The following HEMK2 variants were observed in gnomAD, a reference collection of about 807,000 sequenced individuals.
HEMK2 encodes the protein HemK methyltransferase 2, ETF1 glutamine and histone H4 lysine, also known as methyltransferase HEMK2.
chr21:28,643,455 ATTGT>A, the HEMK2 span, among the ~76,000 whole-genome samples: 31,911 of 151,770 alleles, frequency 0.21, 3,624 homozygotes, highest in East Asian at 0.36. Context: ...AGGGGGGAGG[ATTGT>A]TTGAGGTCAG....
chr21:28,599,736 C>T, the HEMK2 span, among the ~76,000 whole-genome samples: 1 of 152,328 alleles, frequency 6.6e-6, no homozygotes, highest in Non-Finnish European at 1.5e-5. Flanking sequence ...ACCCCTTCCA[C>T]CTATGAGCCG....
At chr21:28,832,205 G>A in the HEMK2 span, among the ~76,000 whole-genome samples, 1 of 152,156 alleles carries the variant, frequency 6.6e-6, no homozygotes, top group Non-Finnish European at 1.5e-5. Flanking sequence ...CCCTGGAAAG[G>A]GCAAAAGATC....
the HEMK2 span, among the ~76,000 whole-genome samples, chr21:28,849,885 A>G: frequency 6.6e-6 from 1 of 152,238 alleles, no homozygotes; most frequent in Non-Finnish European, 1.5e-5. Flanking sequence ...GACCAAATCT[A>G]TGACTCATTG....
the HEMK2 span, among the ~76,000 whole-genome samples, chr21:28,736,764 G>C: frequency 6.7e-6 from 1 of 149,130 alleles, no homozygotes; most frequent in African/African-American, 2.5e-5. Context: ...GATCCTTTCA[G>C]AAACCTGCTG....
the HEMK2 span, among the ~76,000 whole-genome samples, chr21:28,630,155 T>C: frequency 2.6e-5 from 4 of 151,608 alleles, no homozygotes; most frequent in Middle Eastern, 3.4e-3. Flanking sequence ...TGTAAAGTTA[T>C]AAAGCTTAAT....
the HEMK2 span, among the ~76,000 whole-genome samples, chr21:28,824,709 A>G: frequency 6.6e-6 from 1 of 152,230 alleles, no homozygotes; most frequent in Non-Finnish European, 1.5e-5. Flanking sequence ...AGCCTATTCA[A>G]TACTAAAAAT....
chr21:28,831,506 A>C, the HEMK2 span, among the ~76,000 whole-genome samples: 9 of 88,408 alleles, frequency 1.0e-4, no homozygotes, highest in African/African-American at 4.9e-4. Context: ...AAAGAAAGAA[A>C]GAAAGAAAGA....
chr21:28,621,416 G>A, the HEMK2 span, among the ~76,000 whole-genome samples: 5 of 152,132 alleles, frequency 3.3e-5, no homozygotes, highest in African/African-American at 1.2e-4. Flanking sequence ...TTAAATCTGG[G>A]TGTTCCTATA....
chr21:28,879,527 A>G, the HEMK2 span, among the ~76,000 whole-genome samples: 1 of 152,218 alleles, frequency 6.6e-6, no homozygotes. Flanking sequence ...GGCGTGGGCC[A>G]TTGCACTCGG....
At chr21:28,741,746 G>A in the HEMK2 span, among the ~76,000 whole-genome samples, 10 of 152,132 alleles carry the variant, frequency 6.6e-5, no homozygotes, top group East Asian at 5.8e-4. Flanking sequence ...TCCTTTTTAC[G>A]GCAGCATAGT....
chr21:28,675,151 C>T, the HEMK2 span, among the ~76,000 whole-genome samples: 8 of 152,198 alleles, frequency 5.3e-5, no homozygotes, highest in Admixed American at 1.3e-4. Context: ...AAACAACTGG[C>T]TTATTTGTCC....
chr21:28,576,745 G>A, the HEMK2 span, among the ~76,000 whole-genome samples: 2 of 152,042 alleles, frequency 1.3e-5, no homozygotes, highest in Non-Finnish European at 2.9e-5. Context: ...AGTCCCACTC[G>A]TGTCACCCAG....
chr21:28,599,453 G>C, the HEMK2 span, among the ~76,000 whole-genome samples: 1 of 152,122 alleles, frequency 6.6e-6, no homozygotes, highest in East Asian at 1.9e-4. Flanking sequence ...TCACTACCAT[G>C]AGAATAGTAT....
chr21:28,842,265 T>C, the HEMK2 span, among the ~76,000 whole-genome samples: 9 of 152,116 alleles, frequency 5.9e-5, no homozygotes, highest in Non-Finnish European at 1.0e-4. Flanking sequence ...TATAAAATTA[T>C]ATCTTATTAT....
At chr21:28,847,392 C>T in the HEMK2 span, among the ~76,000 whole-genome samples, 1 of 152,202 alleles carries the variant, frequency 6.6e-6, no homozygotes, top group Non-Finnish European at 1.5e-5. Context: ...AGCATATTTT[C>T]ATATGCGTTT....
At chr21:28,629,376 C>T in the HEMK2 span, among the ~76,000 whole-genome samples, 51 of 152,290 alleles carry the variant, frequency 3.3e-4, no homozygotes, top group African/African-American at 1.1e-3. Flanking sequence ...AGCGTGGTCA[C>T]GCAATCACCT....
At chr21:28,867,625 A>C in the HEMK2 span, among the ~76,000 whole-genome samples, 1 of 152,336 alleles carries the variant, frequency 6.6e-6, no homozygotes, top group East Asian at 1.9e-4. Flanking sequence ...CATAGTATTC[A>C]TACAACAATT....
the HEMK2 span, among the ~76,000 whole-genome samples, chr21:28,683,021 G>A: frequency 5.6e-3 from 854 of 151,656 alleles, 6 homozygotes; most frequent in African/African-American, 0.02. Flanking sequence ...CGTTGTGCAC[G>A]TTGTGCACAT....
At chr21:28,763,593 G>A in the HEMK2 span, among the ~76,000 whole-genome samples, 3 of 152,152 alleles carry the variant, frequency 2.0e-5, no homozygotes, top group African/African-American at 7.2e-5. Flanking sequence ...TATATCACAC[G>A]TGAACATTCT....
Sources: allele counts gnomAD v4.1 joint callset (sites outside exome capture counted in the v4.1 genomes callset), GRCh38; gene constraint gnomAD v4.1.1; transcripts MANE v1.5; gene names NCBI Gene and HGNC (gene_info 2026-07-23, HGNC 2026-07-21).